Variants in APBA2 observed in about 807,000 individuals in gnomAD.
APBA2 encodes amyloid-beta A4 precursor protein-binding family A member 2.
Under a neutral mutation model 75.0 loss-of-function variants are expected in APBA2, and 30 were observed. The observed-to-expected ratio is 0.40, with a 90% confidence interval of 0.30 to 0.54. APBA2 has a LOEUF of 0.54. Ranked by LOEUF, APBA2 falls within the 20% of genes least tolerant of loss-of-function variation. APBA2 has a pLI of 0.49. For synonymous variants in APBA2, 444 were observed against 409.6 expected (o/e 1.08, Z -1.01); for missense variants, 801 against 1,016.1 (o/e 0.79, Z 2.88).
intron 3 of APBA2, among the ~76,000 whole-genome samples, chr15:29,049,402 C>A (rs11858246): frequency 6.6e-6 from 1 of 152,144 alleles, no homozygotes. Flanking sequence ...TTGCTTGCTC[C>A]AAGGGAAGAG....
chr15:29,095,458 G>T (rs563287876), intron 8 of APBA2, among the ~76,000 whole-genome samples: 1 of 152,176 alleles, frequency 6.6e-6, no homozygotes, highest in Non-Finnish European at 1.5e-5. Context: ...GATTGACATC[G>T]AGTCATTTGT....
chr15:28,957,749 G>T (rs1566841837), intron 2 of APBA2, among the ~76,000 whole-genome samples: 1 of 152,192 alleles, frequency 6.6e-6, no homozygotes, highest in Non-Finnish European at 1.5e-5. Flanking sequence ...AGGGCGACGG[G>T]TGGTGCTGTG....
At chr15:28,931,247 A>G (rs1469532127) in intron 2 of APBA2, among the ~76,000 whole-genome samples, 4 of 152,216 alleles carry the variant, frequency 2.6e-5, no homozygotes, top group African/African-American at 7.2e-5. Context: ...CCCTCAGGGC[A>G]GCAGGACAGC....
intron 3 of APBA2, among the ~76,000 whole-genome samples, chr15:29,028,053 C>A (rs141226130): frequency 2.4e-4 from 37 of 151,646 alleles, no homozygotes; most frequent in African/African-American, 8.7e-4. Flanking sequence ...TTTGTTAGGC[C>A]GGTAAACGTG....
chr15:29,022,297 A>G (rs1292353831), intron 3 of APBA2, among the ~76,000 whole-genome samples: 2 of 152,116 alleles, frequency 1.3e-5, no homozygotes, highest in Admixed American at 1.3e-4. Flanking sequence ...ATTCTCACCA[A>G]CGCTTCTTAT....
intron 4 of APBA2, among the ~76,000 whole-genome samples, chr15:29,067,898 C>G (rs751181501): frequency 9.9e-5 from 15 of 152,112 alleles, no homozygotes; most frequent in Non-Finnish European, 4.4e-5. Context: ...TAAGACTAAT[C>G]TTATTGACTG....
chr15:29,009,184 A>G (rs2039278702), intron 3 of APBA2, among the ~76,000 whole-genome samples: 1 of 152,146 alleles, frequency 6.6e-6, no homozygotes, highest in South Asian at 2.1e-4. Context: ...AATCTGAGGA[A>G]AGACTCTAAA....
chr15:29,078,854 GA>G (rs2042966602), intron 6 of APBA2, among the ~76,000 whole-genome samples: 1 of 152,172 alleles, frequency 6.6e-6, no homozygotes, highest in Admixed American at 6.5e-5. Flanking sequence ...TTGACATTAG[GA>G]AAGCAAAGGT....
At chr15:28,949,252 T>C (rs1396078162) in intron 2 of APBA2, among the ~76,000 whole-genome samples, 1 of 152,076 alleles carries the variant, frequency 6.6e-6, no homozygotes, top group Non-Finnish European at 1.5e-5. Context: ...GGCAGGTGTG[T>C]ATTCATGTGT....
intron 10 of APBA2, among the ~76,000 whole-genome samples, chr15:29,104,022 G>T (rs2044271794): frequency 6.6e-6 from 1 of 152,246 alleles, no homozygotes; most frequent in Non-Finnish European, 1.5e-5. Context: ...ACGGCTTAGG[G>T]CCCGTCAGGG....
chr15:29,006,064 G>A (rs1158349864), intron 3 of APBA2, among the ~76,000 whole-genome samples: 1 of 152,096 alleles, frequency 6.6e-6, no homozygotes, highest in Non-Finnish European at 1.5e-5. Context: ...ATTTAACATA[G>A]TACTAGAAAT....
intron 1 of APBA2, among the ~76,000 whole-genome samples, chr15:28,900,848 C>G (rs1214489604): frequency 6.6e-6 from 1 of 152,218 alleles, no homozygotes; most frequent in African/African-American, 2.4e-5. Context: ...CCCCTTCACC[C>G]AGGTCCTCCT....
chr15:28,919,821 C>T (rs74845343), intron 1 of APBA2, among the ~76,000 whole-genome samples: 4,783 of 152,208 alleles, frequency 0.031, 214 homozygotes, highest in African/African-American at 0.1. Context: ...CTCCTCAGTC[C>T]GAAACATCTG....
intron 3 of APBA2, among the ~76,000 whole-genome samples, chr15:29,039,669 T>G (rs1435085027): frequency 1.3e-5 from 2 of 152,178 alleles, no homozygotes; most frequent in East Asian, 3.9e-4. Flanking sequence ...TGACCTTTCC[T>G]GCCGATGATA....
chr15:28,969,159 T>TTG, intron 2 of APBA2, among the ~76,000 whole-genome samples: 1 of 101,376 alleles, frequency 9.9e-6, no homozygotes, highest in African/African-American at 1.7e-4. Context: ...TTTCTTTCTT[T>TTG]CTTTCTTTCT....
intron 9 of APBA2, among the ~76,000 whole-genome samples, 180 bp from the exon 10 acceptor site, chr15:29,101,419 A>G (rs1437588704): frequency 6.6e-6 from 1 of 152,050 alleles, no homozygotes; most frequent in Non-Finnish European, 1.5e-5. Context: ...TTTAGTAGAG[A>G]TGGGGTTTCA....
At chr15:28,950,815 CATTT>C (rs1566833859) in intron 2 of APBA2, among the ~76,000 whole-genome samples, 2 of 152,192 alleles carry the variant, frequency 1.3e-5, no homozygotes, top group Non-Finnish European at 2.9e-5. Flanking sequence ...TATTCTCCCC[CATTT>C]ATTTATTCAA....
At chr15:28,999,009 G>A (rs1051679494) in intron 3 of APBA2, among the ~76,000 whole-genome samples, 4 of 152,150 alleles carry the variant, frequency 2.6e-5, no homozygotes, top group Non-Finnish European at 5.9e-5. Context: ...TTAGCTGGGT[G>A]TGGTGGCGGA....
chr15:28,963,039 G>A (rs139868984), intron 2 of APBA2, among the ~76,000 whole-genome samples: 8 of 152,332 alleles, frequency 5.3e-5, no homozygotes, highest in African/African-American at 1.7e-4. Flanking sequence ...GGGGCACTAG[G>A]TGGGTGGCAG....
Sources: allele counts gnomAD v4.1 joint callset (sites outside exome capture counted in the v4.1 genomes callset), GRCh38; gene constraint gnomAD v4.1.1; transcripts MANE v1.5; gene names NCBI Gene and HGNC (gene_info 2026-07-23, HGNC 2026-07-21).